The following INO80 variants were observed in gnomAD, a reference collection of about 807,000 sequenced individuals.
INO80 encodes the protein INO80 complex ATPase subunit.
Under a neutral mutation model 203.4 loss-of-function variants are expected in INO80, and 20 were observed. That is an observed-to-expected ratio of 0.10 (90% CI 0.07 to 0.14). The LOEUF is 0.14. Ranked by LOEUF, INO80 falls within the 10% of genes least tolerant of loss-of-function variation. The pLI is 1.00. For missense variants in INO80, 1,419 were observed against 1,914.4 expected, an observed-to-expected ratio of 0.74 and a Z score of 4.83; for synonymous variants, 726 against 685.2, an observed-to-expected ratio of 1.06 and a Z score of -0.93.
intron 16 of INO80, among the ~76,000 whole-genome samples, chr15:41,057,647 A>C (rs2045013073): frequency 6.6e-6 from 1 of 151,650 alleles, no homozygotes; most frequent in Admixed American, 6.6e-5. Flanking sequence ...AAATACAAAA[A>C]TTAGCCGGAC....
At chr15:41,040,619 C>A (rs2044651475) in intron 24 of INO80, among the ~76,000 whole-genome samples, 2 of 152,106 alleles carry the variant, frequency 1.3e-5, no homozygotes, top group African/African-American at 4.8e-5. Flanking sequence ...ATGCCTAAGT[C>A]CCAGCACTTT....
rs375310493 is a variant in INO80 at position 41,031,249 on chromosome 15, T to C, written c.2908-3513A>G. ...CCACACTATCCAATTTCCCTTCATG[T>C]AGCAACATGAACTGCTAGACATTGC... On this transcript the variant is annotated intron_variant, in intron 24 of 35. Coordinates refer to ENST00000648947, the MANE Select transcript of INO80 (RefSeq NM_017553.3). Among the ~76,000 whole-genome samples, 47 of 152,066 alleles carry C rather than the reference T, an allele frequency of 3.1e-4. No homozygotes were observed. In the East Asian group the frequency reaches 8.0e-3, roughly 26 times the overall value.
chr15:41,024,124 C>T (rs2044340085), intron 25 of INO80, among the ~76,000 whole-genome samples: 1 of 152,076 alleles, frequency 6.6e-6, no homozygotes. Context: ...TTTGATGATA[C>T]CCTTCCAGGT....
chr15:41,050,367 G>C (rs1225849077), intron 19 of INO80, among the ~76,000 whole-genome samples: 1 of 152,096 alleles, frequency 6.6e-6, no homozygotes, highest in African/African-American at 2.4e-5. Context: ...ACCCATCACA[G>C]TAACATACAA....
At chr15:40,999,821 T>G (rs1358780424) in intron 28 of INO80, among the ~76,000 whole-genome samples, 2 of 152,114 alleles carry the variant, frequency 1.3e-5, no homozygotes, top group Admixed American at 6.5e-5. Context: ...AAAAACTGAT[T>G]GAGCTTTTTA....
rs182717626 is a variant in INO80, at chr15:40,991,179, T to C, written c.3571-3205A>G. Among the ~76,000 whole-genome samples, 3 of 152,348 alleles carry C rather than the reference T, an allele frequency of 2.0e-5. No homozygotes were observed. In the East Asian group the frequency reaches 5.8e-4, roughly 29 times the overall value. ...AGATTAAAGCCTAAGGAGATGGGTT[T>C]ACAATCTTAACTTCAAAAATCTCCA... is the stretch of plus-strand genomic sequence containing the variant. On this transcript the variant is annotated intron_variant, in intron 29 of 35. Transcript: ENST00000648947.
intron 4 of INO80, among the ~76,000 whole-genome samples, chr15:41,092,705 T>C (rs966204366): frequency 6.6e-6 from 1 of 152,156 alleles, no homozygotes; most frequent in African/African-American, 2.4e-5. Context: ...TTGAAAATAT[T>C]ATGCTCAATT....
chr15:41,071,912 A>G lies in INO80; in HGVS notation c.1542T>C (p.Phe514=). Residue 514 remains phenylalanine, a synonymous_variant, in exon 12 of 36, where the codon TTT becomes TTC. Coordinates refer to ENST00000648947, the MANE Select transcript of INO80 (RefSeq NM_017553.3). ...GTTGATAACCTTTCAATTTGCCATT[A>G]AAAATTGTGGGCTGTGGAATATCCT... is the stretch of plus-strand genomic sequence containing the variant. The part of the protein sequence containing the change: ...AGEDIPQPTI[F]NGKLKGYQLK... 6.2e-7 allele frequency: 1 copy of G among 1,614,120 alleles called. No homozygotes were observed. Among genetic ancestry groups the G allele is most frequent in the Non-Finnish European group, 8.5e-7 (1 of 1,180,000 alleles).
At chr15:41,055,659 C>T (rs1193712360) in intron 17 of INO80, among the ~76,000 whole-genome samples, 1 of 152,160 alleles carries the variant, frequency 6.6e-6, no homozygotes, top group East Asian at 1.9e-4. Context: ...TAACGATCTT[C>T]TTATAAAAAT....
chr15:41,059,976 G>A, intron 14 of INO80, 50 bp from the exon 15 acceptor site: 1 of 1,192,092 alleles, frequency 8.4e-7, no homozygotes, highest in Non-Finnish European at 1.2e-6. Flanking sequence ...GATCTTAAAA[G>A]TATTAGAACA....
At chr15:41,114,159 C>T (rs1258356576) in intron 1 of INO80, among the ~76,000 whole-genome samples, 1 of 150,750 alleles carries the variant, frequency 6.6e-6, no homozygotes, top group East Asian at 2.0e-4. Context: ...ACCAGCTACT[C>T]AGGAGGCTGA....
chr15:41,055,395 T>C (rs200013836), intron 17 of INO80, 31 bp from the exon 18 acceptor site: 8 of 1,420,182 alleles, frequency 5.6e-6, no homozygotes, highest in South Asian at 1.2e-5. Flanking sequence ...GAAATAGCTA[T>C]AGAGCAATAA....
chr15:40,994,607 C>T (rs1005745738), intron 29 of INO80, among the ~76,000 whole-genome samples: 2 of 151,880 alleles, frequency 1.3e-5, no homozygotes, highest in Admixed American at 6.6e-5. Flanking sequence ...CCTTGTGATC[C>T]GCCTGCCTCT....
At position 41,020,943 on chromosome 15, in the gene INO80, C is replaced by G. The variant is rs2044284785; in HGVS notation, c.3231G>C (p.Trp1077Cys). ...QFFPEPAGGL[W>C]SIRPQNGWSF... ...ACCAGCCATTCTGAGGTCTGATGCT[C>G]CACAGACCTCCAGCTGGCTCTGGGA... is the stretch of plus-strand genomic sequence containing the variant. Residue 1077 changes from tryptophan to cysteine, a missense_variant, in exon 26 of 36, where the codon TGG becomes TGC. Transcript: ENST00000648947. 5.6e-6 allele frequency: 9 copies of G among 1,614,074 alleles called. No individual in the cohort carries two copies. The highest frequency in any genetic ancestry group is 7.6e-6 in the Non-Finnish European group (9 of 1,179,976).
chr15:41,002,215 T>C (rs1038220956), intron 28 of INO80, among the ~76,000 whole-genome samples: 2 of 152,200 alleles, frequency 1.3e-5, no homozygotes, highest in African/African-American at 2.4e-5. Context: ...TAATTCTAAG[T>C]TGTAGAGTCT....
chr15:41,070,244 G>A (rs1383743688), intron 13 of INO80, among the ~76,000 whole-genome samples: 5 of 152,150 alleles, frequency 3.3e-5, no homozygotes, highest in Non-Finnish European at 5.9e-5. Context: ...AATGCAGAGC[G>A]GAAAGGAGTG....
In INO80 at chr15:40,980,451, G is replaced by T; in HGVS notation, c.4454-11C>A. 6.2e-7 allele frequency: 1 copy of T among 1,603,420 alleles called. No homozygotes were observed. The highest frequency in any genetic ancestry group is 8.5e-7 in the Non-Finnish European group (1 of 1,172,214). Reference sequence around the variant, plus strand: ...TGCTGGCGGAGATTCCTGTGGGGACGGAGAGAGACAAGAACGTAAGCACCA... The same window carrying T: ...TGCTGGCGGAGATTCCTGTGGGGACTGAGAGAGACAAGAACGTAAGCACCA... On this transcript the variant is annotated splice_polypyrimidine_tract_variant and intron_variant, in intron 35 of 35. Coordinates refer to ENST00000648947, the MANE Select transcript of INO80 (RefSeq NM_017553.3).
At chr15:41,029,902 C>G (rs1380145416) in intron 24 of INO80, among the ~76,000 whole-genome samples, 1 of 152,222 alleles carries the variant, frequency 6.6e-6, no homozygotes, top group Non-Finnish European at 1.5e-5. Flanking sequence ...GATGACAAGT[C>G]TAGCAACTTC....
intron 28 of INO80, among the ~76,000 whole-genome samples, chr15:40,999,740 A>T (rs187929080): frequency 1.8e-3 from 274 of 152,342 alleles, no homozygotes; most frequent in African/African-American, 6.1e-3. Flanking sequence ...ATATGGGATG[A>T]TGTAAATGGA....
Sources: gnomAD v4.1 joint callset for allele counts (sites outside exome capture counted in the v4.1 genomes callset) on GRCh38, gnomAD v4.1.1 for gene constraint, MANE v1.5 for transcripts, NCBI Gene and HGNC (gene_info 2026-07-23, HGNC 2026-07-21) for gene names.